YES1: variants seen among roughly 807,000 people sequenced by gnomAD.
The protein encoded by YES1 is tyrosine-protein kinase Yes.
A neutral mutation model predicts 70.4 loss-of-function variants in YES1; 39 were observed. The observed-to-expected ratio is 0.55, with a 90% confidence interval of 0.43 to 0.72. The LOEUF (loss-of-function observed/expected upper bound fraction) is 0.72. Ranked by LOEUF, YES1 falls within the 30% of genes least tolerant of loss-of-function variation. The pLI is 0.00. For missense variants in YES1, 495 were observed against 644.8 expected (o/e 0.77, Z 2.52); for synonymous variants, 198 against 218.6 (o/e 0.91, Z 0.83).
intron 1 of YES1, among the ~76,000 whole-genome samples, chr18:772,094 T>A (rs1295919112): frequency 2.0e-5 from 3 of 152,080 alleles, no homozygotes; most frequent in Non-Finnish European, 2.9e-5. Flanking sequence ...AATGCCACGA[T>A]CTCGGCTCAC....
chr18:733,607 C>G (rs1013953573), intron 10 of YES1, among the ~76,000 whole-genome samples: 3 of 151,442 alleles, frequency 2.0e-5, no homozygotes, highest in Non-Finnish European at 2.9e-5. Context: ...CATGGTGAAA[C>G]CCCGTCTCTA....
chr18:727,133 C>T (rs1009962808), intron 11 of YES1, among the ~76,000 whole-genome samples: 2 of 152,068 alleles, frequency 1.3e-5, no homozygotes, highest in Non-Finnish European at 2.9e-5. Context: ...ATATCCTGAT[C>T]ATATAAATTT....
chr18:790,594 A>C (rs1390432247), intron 1 of YES1, among the ~76,000 whole-genome samples: 2 of 152,232 alleles, frequency 1.3e-5, no homozygotes, highest in East Asian at 3.8e-4. Context: ...ATTAGGTATG[A>C]GAAGGGTACT....
At position 725,217 on chromosome 18, in the gene YES1, T is replaced by C. The variant is rs143366888; in HGVS notation, c.1424-585A>G. Among the ~76,000 whole-genome samples the C allele has an allele frequency of 9.8e-3, 1,497 of 152,064 alleles. 17 individuals carry two copies. Among genetic ancestry groups the C allele is most frequent in the Middle Eastern group, 0.014 (4 of 294 alleles). On this transcript the variant is annotated intron_variant, in intron 11 of 11. Coordinates refer to ENST00000314574, the MANE Select transcript of YES1 (RefSeq NM_005433.4). ...CCCTGATCAGCAGTTCACCCCATCT[T>C]ATCACAGGACAGCAAAATGCCTCCT...
In YES1 at chr18:798,947, C is replaced by T. The variant is rs561999661; in HGVS notation, c.-9+13167G>A. ...AATTTACATATCACTAGCTTTTTTT[C>T]CTACTGATCCTAATTAAGTTCAAAA... On this transcript the variant is annotated intron_variant, in intron 1 of 11. Coordinates refer to ENST00000314574, the MANE Select transcript of YES1 (RefSeq NM_005433.4). Among the ~76,000 whole-genome samples, 80 of 152,130 alleles carry T rather than the reference C, an allele frequency of 5.3e-4. 1 individual carries two copies. Among genetic ancestry groups the T allele is most frequent in the African/African-American group, 1.5e-3 (61 of 41,524 alleles).
chr18:744,071 TA>T (rs1213368411), intron 6 of YES1, among the ~76,000 whole-genome samples: 1 of 150,260 alleles, frequency 6.7e-6, no homozygotes, highest in Non-Finnish European at 1.5e-5. Flanking sequence ...TTAAAATATA[TA>T]TTTTTTTAAG....
At chr18:750,525 C>A (rs1165953188) in intron 3 of YES1, among the ~76,000 whole-genome samples, 1 of 152,176 alleles carries the variant, frequency 6.6e-6, no homozygotes. Context: ...ACTGTGACAA[C>A]CAAAAATGTC....
chr18:758,366 T>C (rs1338021479), intron 1 of YES1, among the ~76,000 whole-genome samples: 1 of 152,158 alleles, frequency 6.6e-6, no homozygotes, highest in Non-Finnish European at 1.5e-5. Flanking sequence ...CCCTTCCCTG[T>C]CAATGGAAAC....
intron 1 of YES1, among the ~76,000 whole-genome samples, chr18:811,889 G>A (rs900867216): frequency 2.0e-5 from 3 of 152,162 alleles, no homozygotes; most frequent in African/African-American, 7.2e-5. Context: ...GGCAGGTCTG[G>A]ACAGGGCAGA....
chr18:736,996 C>A, intron 9 of YES1, 35 bp from the exon 10 acceptor site: 3 of 1,547,298 alleles, frequency 1.9e-6, no homozygotes, highest in South Asian at 1.2e-5. Context: ...ACAAGACATA[C>A]GATACAAAGG....
intron 11 of YES1, among the ~76,000 whole-genome samples, chr18:725,159 T>C (rs969062426): frequency 6.6e-6 from 1 of 152,210 alleles, no homozygotes; most frequent in African/African-American, 2.4e-5. Context: ...AGTTCCTTTC[T>C]TGTATTCCTT....
chr18:725,725 A>G (rs1318126300), intron 11 of YES1, among the ~76,000 whole-genome samples: 1 of 152,068 alleles, frequency 6.6e-6, no homozygotes, highest in East Asian at 1.9e-4. Flanking sequence ...ACGACTCTAC[A>G]AACTACAAAA....
intron 1 of YES1, among the ~76,000 whole-genome samples, chr18:763,619 C>T (rs1231365452): frequency 6.6e-6 from 1 of 150,678 alleles, no homozygotes; most frequent in African/African-American, 2.4e-5. Flanking sequence ...GGGAAGATCA[C>T]CTGAGCCCAG....
At chr18:771,367 C>CA (rs879475206) in intron 1 of YES1, among the ~76,000 whole-genome samples, 2,865 of 131,470 alleles carry the variant, frequency 0.022, 70 homozygotes, top group African/African-American at 0.067. Context: ...AACTTTGTCT[C>CA]AAAAAAAAAA....
At chr18:765,235 GAA>G (rs75640783) in intron 1 of YES1, among the ~76,000 whole-genome samples, 8,964 of 125,422 alleles carry the variant, frequency 0.071, 511 homozygotes, top group East Asian at 0.26. Context: ...ACAGGTTTGG[GAA>G]AGAGTTACAA....
chr18:749,864 A>G lies in YES1; in HGVS notation c.371+1841T>C, dbSNP rs918935162. On this transcript the variant is annotated intron_variant, in intron 3 of 11. Coordinates refer to ENST00000314574, the MANE Select transcript of YES1 (RefSeq NM_005433.4). ...ACAGAGCAAGACTCCGTCTCAAAAA[A>G]AAAAAAAAAAAGTTATCTAGAAATA... Among the ~76,000 whole-genome samples, 12 of 147,496 alleles carry G rather than the reference A, an allele frequency of 8.1e-5. No individual in the cohort carries two copies. In the South Asian group the frequency reaches 1.7e-3, roughly 20 times the overall value.
chr18:807,676 C>T (rs557164071), intron 1 of YES1, among the ~76,000 whole-genome samples: 112 of 152,248 alleles, frequency 7.4e-4, no homozygotes, highest in Non-Finnish European at 1.3e-3. Flanking sequence ...TCTTCTCAAA[C>T]GCCAGGGATA....
chr18:772,005 T>TC lies in YES1; in HGVS notation c.-8-15171dup, dbSNP rs1037131570. 1.2e-4 allele frequency among the ~76,000 whole-genome samples: 18 copies of TC among 151,764 alleles called. 1 individual carries two copies. Among genetic ancestry groups the TC allele is most frequent in the Admixed American group, 1.1e-3 (17 of 15,228 alleles). ...ATAAAAATCAGAAATTACAAGACAG[T>TC]CTGATCGTACACCACAAAAGCATGT... On this transcript the variant is annotated intron_variant, in intron 1 of 11. Transcript: ENST00000314574.
At chr18:761,865 A>C (rs1487149121) in intron 1 of YES1, among the ~76,000 whole-genome samples, 1 of 152,214 alleles carries the variant, frequency 6.6e-6, no homozygotes. Flanking sequence ...ATATGAGTTA[A>C]ACTGATTTTT....
Sources: gnomAD v4.1 joint callset for allele counts (sites outside exome capture counted in the v4.1 genomes callset) on GRCh38, gnomAD v4.1.1 for gene constraint, MANE v1.5 for transcripts, NCBI Gene and HGNC (gene_info 2026-07-23, HGNC 2026-07-21) for gene names.